ANKRD17: variants seen among roughly 807,000 people sequenced by gnomAD.
ANKRD17 encodes the protein ankyrin repeat domain 17, also known as ankyrin repeat domain-containing protein 17.
In ANKRD17, 19 loss-of-function variants were observed where a neutral mutation model predicts 229.7. The ratio of observed to expected loss-of-function variants is 0.08; its 90% confidence interval spans 0.06 to 0.12. The LOEUF (loss-of-function observed/expected upper bound fraction) is 0.12. ANKRD17 is among the 10% of genes least tolerant of loss of function. The probability of loss-of-function intolerance (pLI) is 1.00; values close to 1 mark genes in which losing one functional copy is unlikely to be tolerated. For missense variants in ANKRD17, 2,176 were observed against 3,176.8 expected (o/e 0.68, Z 7.57); for synonymous variants, 1,112 against 1,146.1 (o/e 0.97, Z 0.60).
chr4:73,148,800 T>A lies in ANKRD17; in HGVS notation c.1567+13A>T, dbSNP rs1243423731. On this transcript the variant is annotated intron_variant, in intron 8 of 33. Coordinates refer to ENST00000358602, the MANE Select transcript of ANKRD17 (RefSeq NM_032217.5). The stretch of plus-strand genomic sequence containing the variant: ...ACACATTTATACTTTAGTGTCTTGA[T>A]AGATACGGTTACCTTGACCAAGAAG... The A allele has an allele frequency of 2.5e-6, 4 of 1,605,484 alleles. No individual in the cohort carries two copies. The East Asian group carries it at 8.9e-5, about 36-fold the overall frequency.
At position 73,161,346 on chromosome 4, in the gene ANKRD17, T is replaced by C; in HGVS notation, c.550A>G (p.Ile184Val). The C allele has an allele frequency of 6.2e-7, 1 of 1,613,806 alleles. No homozygotes were observed. Among genetic ancestry groups the C allele is most frequent in the Non-Finnish European group, 8.5e-7 (1 of 1,179,888 alleles). ...RLEALLEAAG[I>V]GKLSTADGKA... is the part of the protein sequence containing the mutation. ...CCATCAGCCGTGGACAATTTTCCTA[T>C]TCCTATTATATTATTTTCACACCAA... Residue 184 changes from isoleucine (I) to valine (V), a missense_variant and splice_region_variant, in exon 3 of 34, where the codon ATA (isoleucine) becomes GTA (valine). Ile to Val is a conservative substitution (Grantham distance 29). Coordinates refer to ENST00000358602, the MANE Select transcript of ANKRD17 (RefSeq NM_032217.5).
chr4:73,140,464 G>C (rs1729457190), intron 14 of ANKRD17, among the ~76,000 whole-genome samples, 181 bp from the exon 15 acceptor site: 2 of 152,148 alleles, frequency 1.3e-5, no homozygotes, highest in South Asian at 4.1e-4. Context: ...TAAAATGTAT[G>C]TATTTTATGT....
intron 10 of ANKRD17, among the ~76,000 whole-genome samples, chr4:73,145,997 T>C (rs892317789): frequency 1.3e-5 from 2 of 152,122 alleles, no homozygotes; most frequent in African/African-American, 2.4e-5. Flanking sequence ...CATAAATATA[T>C]GGGTGCTTAC....
At chr4:73,244,423 T>C (rs2149267767) in intron 1 of ANKRD17, among the ~76,000 whole-genome samples, 1 of 152,282 alleles carries the variant, frequency 6.6e-6, no homozygotes, top group South Asian at 2.1e-4. Context: ...TCCAATATGG[T>C]AGCCACTAGC....
chr4:73,101,293 T>C, intron 25 of ANKRD17: 1 of 846,560 alleles, frequency 1.2e-6, no homozygotes, highest in Non-Finnish European at 1.4e-6. Flanking sequence ...TAGATGATAT[T>C]ATGAAATTAC....
Position 73,177,372 on chromosome 4 carries a change from G to A in ANKRD17, c.547+8C>T. 1 of 1,602,694 alleles carries A rather than the reference G, an allele frequency of 6.2e-7. No homozygotes were observed. Among genetic ancestry groups the A allele is most frequent in the South Asian group, 1.1e-5 (1 of 89,272 alleles). On this transcript the variant is annotated splice_region_variant and intron_variant, in intron 2 of 33. Transcript: ENST00000358602. The stretch of plus-strand genomic sequence containing the variant: ...CAAGGTAGACTTATTACTATGTAGA[G>A]TACATACCTGCAGCTTCTAGTAAAG...
rs375380379 is a variant in ANKRD17 at position 73,139,554 on chromosome 4, T to C, written c.3062A>G (p.Asp1021Gly). The change falls in exon 15 of 34, where the codon GAC (aspartate) becomes GGC (glycine). Residue 1021 changes from aspartate (D) to glycine (G), a missense_variant. Coordinates refer to ENST00000358602, the MANE Select transcript of ANKRD17 (RefSeq NM_032217.5). ...ACCTGCCATGATGTCATCCAGCGTGTCATTGAGGGTCTGAGCAGGGCTGGC... is the reference window on the plus strand; with the variant it reads ...ACCTGCCATGATGTCATCCAGCGTGCCATTGAGGGTCTGAGCAGGGCTGGC... ...MVASPAQTLN[D>G]TLDDIMAAVS... The C allele has an allele frequency of 1.2e-6, 2 of 1,613,574 alleles. No homozygotes were observed. Among genetic ancestry groups the C allele is most frequent in the Non-Finnish European group, 1.7e-6 (2 of 1,179,664 alleles).
chr4:73,168,947 T>C (rs1578255330), intron 2 of ANKRD17: 1 of 152,166 alleles, frequency 6.6e-6, no homozygotes, highest in Non-Finnish European at 1.5e-5. Context: ...CATTCTCAAG[T>C]AGGCCCTGGT....
chr4:73,113,117 G>A (rs1725523785), intron 24 of ANKRD17: 1 of 1,214,314 alleles, frequency 8.2e-7, no homozygotes. Flanking sequence ...ATGAGATATG[G>A]CAGTTCCATA....
At chr4:73,124,776 G>A in intron 18 of ANKRD17, 137 bp downstream of exon 18, 1 of 1,092,510 alleles carries the variant, frequency 9.2e-7, no homozygotes, top group Non-Finnish European at 1.3e-6. Flanking sequence ...TCATCTTTTT[G>A]TTAATAGATA....
intron 1 of ANKRD17, among the ~76,000 whole-genome samples, chr4:73,241,273 T>C (rs1303082345): frequency 6.6e-6 from 1 of 152,170 alleles, no homozygotes; most frequent in Admixed American, 6.5e-5. Flanking sequence ...TAAGTTCCTA[T>C]TCCCCTCAAT....
rs149875573 is a variant in ANKRD17 at position 73,097,225 on chromosome 4, C to T, written c.5069G>A (p.Cys1690Tyr). The change falls in exon 27 of 34, where the codon TGT (cysteine) becomes TAT (tyrosine). Residue 1690 changes from cysteine to tyrosine, a missense_variant. Cys to Tyr is a radical substitution (Grantham distance 194). Around this residue, in one of 18 missense-constraint regions of ANKRD17, gnomAD observed 98 missense variants for 101.0 expected, o/e 0.97. Coordinates refer to ENST00000358602, the MANE Select transcript of ANKRD17 (RefSeq NM_032217.5). ...AAGGGGAGATGGACCAGATTTTGTA[C>T]AAGTAGATAGAGAATTACTGGTCCC... ...SEGTSNSLSTCTKSGPSPLSS... is the reference protein window; with the variant it reads ...SEGTSNSLSTYTKSGPSPLSS... 6 of 1,607,602 alleles carry T rather than the reference C, an allele frequency of 3.7e-6. No homozygotes were observed. Among genetic ancestry groups the T allele is most frequent in the African/African-American group, 2.7e-5 (2 of 74,474 alleles).
At chr4:73,106,306 A>G (rs923064338) in intron 24 of ANKRD17, among the ~76,000 whole-genome samples, 38 of 152,152 alleles carry the variant, frequency 2.5e-4, no homozygotes, top group African/African-American at 8.7e-4. Context: ...AACCCAACTG[A>G]TGATTTCTAA....
intron 23 of ANKRD17, among the ~76,000 whole-genome samples, chr4:73,115,062 G>T (rs1274085557): frequency 6.6e-6 from 1 of 152,064 alleles, no homozygotes; most frequent in Non-Finnish European, 1.5e-5. Context: ...AAAACTAAAA[G>T]TTAGTTACCC....
rs757008546 is a variant in ANKRD17 at position 73,147,226 on chromosome 4, T to C, written c.1759+15A>G. 1 of 1,520,966 alleles carries C rather than the reference T, an allele frequency of 6.6e-7. No homozygotes were observed. Among genetic ancestry groups the C allele is most frequent in the African/African-American group, 1.4e-5 (1 of 70,974 alleles). 94.2% of individuals were successfully genotyped at this position (1,520,966 alleles called of 1,614,324 possible). ...AATCATGTAAAAAACTTCTCCCAAA[T>C]GCAAAAATGCCTACCTGCAGCTAAT... On this transcript the variant is annotated intron_variant, in intron 9 of 33. Coordinates refer to ENST00000358602, the MANE Select transcript of ANKRD17 (RefSeq NM_032217.5).
intron 18 of ANKRD17, among the ~76,000 whole-genome samples, chr4:73,124,616 A>C (rs1578123142): frequency 6.6e-6 from 1 of 152,338 alleles, no homozygotes; most frequent in East Asian, 1.9e-4. Flanking sequence ...AAGATGAGTG[A>C]ATATAGGCCC....
chr4:73,253,368 A>G (rs1336697050), intron 1 of ANKRD17, among the ~76,000 whole-genome samples: 1 of 152,262 alleles, frequency 6.6e-6, no homozygotes, highest in Non-Finnish European at 1.5e-5. Flanking sequence ...CCTAGCACAT[A>G]GTAGGAACTC....
At chr4:73,142,446 C>CACTTAGGA in intron 12 of ANKRD17, 61 bp from the exon 13 acceptor site, 2 of 1,577,368 alleles carry the variant, frequency 1.3e-6, no homozygotes, top group Non-Finnish European at 1.7e-6. Flanking sequence ...TTTACAGAAT[C>CACTTAGGA]ACTTAGGAAG....
chr4:73,085,669 C>G (rs1384746451), intron 29 of ANKRD17, among the ~76,000 whole-genome samples: 2 of 144,444 alleles, frequency 1.4e-5, no homozygotes, highest in African/African-American at 5.2e-5. Context: ...GGCAACACAT[C>G]GAGACCCCAC....
Sources: allele counts gnomAD v4.1 joint callset (sites outside exome capture counted in the v4.1 genomes callset), GRCh38; gene constraint gnomAD v4.1.1; regional missense constraint gnomAD v4.1.1; transcripts MANE v1.5; gene names NCBI Gene and HGNC (gene_info 2026-07-23, HGNC 2026-07-21).